PLEKHA2: variants seen among roughly 807,000 people sequenced by gnomAD.
PLEKHA2 encodes the protein pleckstrin homology domain-containing family A member 2.
Under a neutral mutation model 53.2 loss-of-function variants are expected in PLEKHA2, and 28 were observed. The observed-to-expected ratio is 0.53, with a 90% confidence interval of 0.39 to 0.72. The LOEUF is 0.72. PLEKHA2 is among the 30% of genes least tolerant of loss of function. PLEKHA2 has a pLI of 0.00. For missense variants in PLEKHA2, 426 were observed against 537.9 expected (o/e 0.79, Z 2.06); for synonymous variants, 193 against 196.4 (o/e 0.98, Z 0.14).
chr8:38,952,901 G>A (rs1051413687), intron 8 of PLEKHA2, among the ~76,000 whole-genome samples, 197 bp downstream of exon 8: 64 of 152,322 alleles, frequency 4.2e-4, no homozygotes, highest in African/African-American at 1.5e-3. Context: ...CTGCTGTGTG[G>A]TCAGAGTCAT....
At chr8:38,953,434 A>G (rs1005896756) in intron 9 of PLEKHA2, 67 bp downstream of exon 9, 37 of 1,405,440 alleles carry the variant, frequency 2.6e-5, no homozygotes, top group Non-Finnish European at 3.7e-5. Context: ...TCCCTTTACT[A>G]CCCTTCAGAG....
In PLEKHA2 at chr8:38,969,765, A is replaced by C. The variant is rs1365457230; in HGVS notation, c.1260A>C (p.Ile420=). 1 of 1,500,836 alleles carries C rather than the reference A, an allele frequency of 6.7e-7. No homozygotes were observed. The highest frequency in any genetic ancestry group is 2.0e-5 in the Admixed American group (1 of 49,316). The allele number at this position is 1,500,836 out of a possible 1,614,324, so 93.0% of individuals were successfully genotyped here. The change falls in exon 12 of 12, where the codon ATA becomes ATC. Residue 420 remains isoleucine (I), a synonymous_variant. Transcript: ENST00000617275. The stretch of plus-strand genomic sequence containing the variant: ...TGTTCAACCTTGATGATGAAAACAT[A>C]CGGACCTCTGATGTGTGATGGAGCA... ...PFMFNLDDEN[I]RTSDV
At chr8:38,951,560 G>A (rs916106726) in intron 6 of PLEKHA2, among the ~76,000 whole-genome samples, 7 of 140,660 alleles carry the variant, frequency 5.0e-5, no homozygotes, top group East Asian at 4.2e-4. Flanking sequence ...TTATTGCAGC[G>A]TCTGCCTCCT....
Position 38,950,966 on chromosome 8 carries a change from G to C in PLEKHA2, c.462G>C (p.Val154=). Residue 154 remains valine (V), a synonymous_variant, in exon 6 of 12, where the codon GTG becomes GTC. Coordinates refer to ENST00000617275, the MANE Select transcript of PLEKHA2 (RefSeq NM_021623.2). ...ACAAGACGGAGATCATTGGAGGGGT[G>C]GTGGTCCACACACCCATCAGCCAGG... ...VAYKTEIIGG[V]VVHTPISQNG... 6.2e-7 allele frequency: 1 copy of C among 1,613,874 alleles called. No individual in the cohort carries two copies. Among genetic ancestry groups the C allele is most frequent in the South Asian group, 1.1e-5 (1 of 91,042 alleles).
intron 1 of PLEKHA2, among the ~76,000 whole-genome samples, chr8:38,910,408 G>C (rs920983505): frequency 6.6e-6 from 1 of 152,154 alleles, no homozygotes; most frequent in African/African-American, 2.4e-5. Flanking sequence ...GAGGAATTCT[G>C]TATGCACATA....
intron 6 of PLEKHA2, 101 bp downstream of exon 6, chr8:38,951,091 G>A: frequency 1.1e-6 from 1 of 905,988 alleles, no homozygotes. Flanking sequence ...AAAGGAGGGT[G>A]GGAGTGGGGG....
chr8:38,951,087 G>C (rs1834828980), intron 6 of PLEKHA2, 97 bp downstream of exon 6: 1 of 964,760 alleles, frequency 1.0e-6, no homozygotes. Flanking sequence ...GGGAAAAGGA[G>C]GGTGGGAGTG....
intron 10 of PLEKHA2, among the ~76,000 whole-genome samples, chr8:38,967,295 TTTTTAA>T (rs1564161462): frequency 6.6e-6 from 1 of 152,108 alleles, no homozygotes; most frequent in Admixed American, 6.5e-5. Flanking sequence ...CTTTAAAAAA[TTTTTAA>T]AGTTTTATTT....
intron 5 of PLEKHA2, among the ~76,000 whole-genome samples, chr8:38,950,258 T>C (rs1244344877): frequency 6.6e-6 from 1 of 152,146 alleles, no homozygotes; most frequent in Non-Finnish European, 1.5e-5. Context: ...GGTCTTGAAC[T>C]CCTGGGCTCA....
At chr8:38,946,709 G>A (rs1834722020) in intron 5 of PLEKHA2, among the ~76,000 whole-genome samples, 1 of 152,206 alleles carries the variant, frequency 6.6e-6, no homozygotes, top group Non-Finnish European at 1.5e-5. Context: ...CACAGAGCTC[G>A]TTCATGGACT....
At chr8:38,915,233 A>G (rs1187271027) in intron 1 of PLEKHA2, among the ~76,000 whole-genome samples, 1 of 152,234 alleles carries the variant, frequency 6.6e-6, no homozygotes, top group East Asian at 1.9e-4. Context: ...GTTGTGAGCC[A>G]CTGCACCCAG....
In PLEKHA2 at chr8:38,933,778, TA is replaced by T. The variant is rs774899490; in HGVS notation, c.142-2200del. Among the ~76,000 whole-genome samples, 150 of 49,016 alleles carry T rather than the reference TA, an allele frequency of 3.1e-3. 6 individuals are homozygous for T. Among genetic ancestry groups the T allele is most frequent in the Admixed American group, 9.8e-3 (47 of 4,810 alleles). 32.2% of individuals were successfully genotyped at this position (49,016 alleles called of 152,430 possible). ...CTCTTCCTACCCAATAGAGGTTTCC[TA>T]AAAAAAAAAAAAAAAGAAAAGAAAG... On this transcript the variant is annotated intron_variant, in intron 2 of 11. Coordinates refer to ENST00000617275, the MANE Select transcript of PLEKHA2 (RefSeq NM_021623.2).
chr8:38,952,499 T>C (rs1198387708), intron 7 of PLEKHA2, 137 bp from the exon 8 acceptor site: 4 of 1,289,598 alleles, frequency 3.1e-6, no homozygotes, highest in Admixed American at 2.1e-5. Context: ...GCCCCTGATA[T>C]GAAGAAGCCC....
chr8:38,943,258 A>G (rs1834645006), intron 3 of PLEKHA2, among the ~76,000 whole-genome samples: 1 of 151,876 alleles, frequency 6.6e-6, no homozygotes, highest in Admixed American at 6.6e-5. Flanking sequence ...AGGCGGGAGG[A>G]TTGCTTGAGC....
chr8:38,928,175 G>A (rs940499586), intron 2 of PLEKHA2, among the ~76,000 whole-genome samples: 23 of 140,208 alleles, frequency 1.6e-4, no homozygotes, highest in African/African-American at 7.5e-4. Context: ...GTGGCCAGCA[G>A]TCAGAGTTGG....
intron 2 of PLEKHA2, among the ~76,000 whole-genome samples, chr8:38,918,282 CGCACACACAT>C (rs1181805449): frequency 1.3e-5 from 2 of 149,586 alleles, no homozygotes; most frequent in Non-Finnish European, 3.0e-5. Context: ...ACCACACACA[CGCACACACAT>C]GCACCTTATA....
chr8:38,941,224 T>A (rs1257470781), intron 3 of PLEKHA2, among the ~76,000 whole-genome samples: 1 of 151,978 alleles, frequency 6.6e-6, no homozygotes, highest in Non-Finnish European at 1.5e-5. Context: ...ACCCGGCTAA[T>A]TTTGTATTTT....
rs532375342 is a variant in PLEKHA2 at position 38,910,423 on chromosome 8, T to G, written c.-23-7484T>G. Reference sequence around the variant, plus strand: ...GAGGAATTCTGTATGCACATACTTTTGATTTGCTTTTAATGAAGTTCAGGA... The same window carrying G: ...GAGGAATTCTGTATGCACATACTTTGGATTTGCTTTTAATGAAGTTCAGGA... On this transcript the variant is annotated intron_variant, in intron 1 of 11. Coordinates refer to ENST00000617275, the MANE Select transcript of PLEKHA2 (RefSeq NM_021623.2). Among the ~76,000 whole-genome samples, 6 of 152,300 alleles carry G rather than the reference T, an allele frequency of 3.9e-5. No homozygotes were observed. The South Asian group carries it at 1.2e-3, about 32-fold the overall frequency.
At chr8:38,938,016 A>G (rs1410253390) in intron 3 of PLEKHA2, among the ~76,000 whole-genome samples, 1 of 152,172 alleles carries the variant, frequency 6.6e-6, no homozygotes, top group African/African-American at 2.4e-5. Context: ...GAAAGTGATG[A>G]TTGGATGTCA....
Sources: allele counts gnomAD v4.1 joint callset (sites outside exome capture counted in the v4.1 genomes callset), GRCh38; gene constraint gnomAD v4.1.1; transcripts MANE v1.5; gene names NCBI Gene and HGNC (gene_info 2026-07-23, HGNC 2026-07-21).